CACNA1G: variants seen among roughly 807,000 people sequenced by gnomAD.
CACNA1G encodes the protein voltage-dependent T-type calcium channel subunit alpha-1G.
Under a neutral mutation model 219.4 loss-of-function variants are expected in CACNA1G, and 67 were observed. That is an observed-to-expected ratio of 0.31 (90% CI 0.25 to 0.37). The LOEUF is 0.37. Ranked by LOEUF, CACNA1G falls within the 10% of genes least tolerant of loss-of-function variation. The pLI is 1.00. For synonymous variants in CACNA1G, 1,296 were observed against 1,345.3 expected (o/e 0.96, Z 0.80); for missense variants, 2,380 against 3,231.4 (o/e 0.74, Z 6.39).
At position 50,616,901 on chromosome 17, in the gene CACNA1G, C is replaced by T. The variant is rs150195819; in HGVS notation, c.5021+517C>T. 1.0e-3 allele frequency among the ~76,000 whole-genome samples: 152 copies of T among 152,288 alleles called. 1 individual carries two copies. The East Asian group carries it at 0.013, about 13-fold the overall frequency. On this transcript the variant is annotated intron_variant, in intron 28 of 37. Coordinates refer to ENST00000359106, the MANE Select transcript of CACNA1G (RefSeq NM_018896.5). ...TGATGCCCAGGCTGGAGTGCAGCAG[C>T]TCAGTCATGGCTCACAGCAGCCTTG...
rs777536184 is a variant in CACNA1G at position 50,616,309 on chromosome 17, T to A, written c.4946T>A (p.Ile1649Asn). 6.2e-7 allele frequency: 1 copy of A among 1,613,730 alleles called. No homozygotes were observed. Among genetic ancestry groups the A allele is most frequent in the East Asian group, 2.2e-5 (1 of 44,884 alleles). Residue 1649 changes from isoleucine to asparagine, a missense_variant, in exon 28 of 38, where the codon ATC becomes AAC. Ile to Asn is a moderately radical substitution (Grantham distance 149). This residue lies in a region of CACNA1G where 123 missense variants were observed against 258.4 expected (regional missense o/e 0.48). Transcript: ENST00000359106. ...GAGGCTCTGAAGATCTGCAACTACA[T>A]CTTCACTGTCATCTTTGTCTTGGAG... ...LDEALKICNYIFTVIFVLESV... is the reference protein window; with the variant it reads ...LDEALKICNYNFTVIFVLESV...
intron 13 of CACNA1G, among the ~76,000 whole-genome samples, chr17:50,593,599 G>T (rs1393424956): frequency 6.6e-6 from 1 of 152,252 alleles, no homozygotes; most frequent in East Asian, 1.9e-4. Context: ...CCCTGGGGCG[G>T]CCTGGTCACT....
Position 50,618,448 on chromosome 17 carries a change from TC to T in CACNA1G, c.5427+106del. On this transcript the variant is annotated intron_variant, in intron 32 of 37. Coordinates refer to ENST00000359106, the MANE Select transcript of CACNA1G (RefSeq NM_018896.5). This position sits in a 1 kb window ranked among gnomAD's most constrained non-coding sequence, Gnocchi z 5.3. Reference sequence around the variant, plus strand: ...CCACAAATAAAAGCATGTGACCTTCTCTCCCCCGTGCTAGAACACTCTGGAA... The same window carrying T: ...CCACAAATAAAAGCATGTGACCTTCTTCCCCCGTGCTAGAACACTCTGGAA... 6.8e-7 allele frequency: 1 copy of T among 1,465,916 alleles called. No homozygotes were observed. The highest frequency in any genetic ancestry group is 9.4e-7 in the Non-Finnish European group (1 of 1,063,888). The allele number at this position is 1,465,916 out of a possible 1,614,324, so 90.8% of individuals were successfully genotyped here.
intron 24 of CACNA1G, 126 bp downstream of exon 24, chr17:50,607,115 G>A: frequency 1.3e-6 from 1 of 768,682 alleles, no homozygotes; most frequent in Non-Finnish European, 2.3e-6. Flanking sequence ...TTACAGCAGA[G>A]GCTGTTGCTG....
intron 10 of CACNA1G, 90 bp downstream of exon 10, chr17:50,590,712 G>T: frequency 7.6e-7 from 1 of 1,315,290 alleles, no homozygotes; most frequent in South Asian, 1.3e-5. Context: ...TTCCCCTGGG[G>T]TGGAGGGGTC....
In CACNA1G at chr17:50,618,659, C is replaced by T. The variant is rs1198878638; in HGVS notation, c.5432C>T (p.Thr1811Ile). Reference protein sequence around the residue: ...GDNWNGIMKDTLRDCDQESTC... With the variant: ...GDNWNGIMKDILRDCDQESTC... ...CCTCTATTCCACCCTCCCCAGGACA[C>T]CCTCCGGGACTGTGACCAGGAGTCC... Residue 1811 changes from threonine to isoleucine, a missense_variant, in exon 33 of 38, where the codon ACC becomes ATC. Around this residue, in one of 17 missense-constraint regions of CACNA1G, gnomAD observed 0 missense variants for 18.0 expected, o/e 0.00. Transcript: ENST00000359106. The surrounding 1 kb of genome is among the most constrained non-coding windows in gnomAD (Gnocchi z 5.3). 6.2e-7 allele frequency: 1 copy of T among 1,610,160 alleles called. No individual in the cohort carries two copies. Among genetic ancestry groups the T allele is most frequent in the African/African-American group, 1.3e-5 (1 of 74,808 alleles).
Position 50,627,359 on chromosome 17 carries a change from GAAA to G in CACNA1G, c.*611_*613del, listed in dbSNP as rs964907818. The G allele has an allele frequency of 2.5e-6, 1 of 392,584 alleles. No individual in the cohort carries two copies. Among genetic ancestry groups the G allele is most frequent in the Non-Finnish European group, 4.9e-6 (1 of 203,114 alleles). The allele number at this position is 392,584 out of a possible 1,614,324, so 24.3% of individuals were successfully genotyped here. ...TCATTTTCTGTAGGGAAAAAAAAAAGAAAAAGAAAAAATGAGATTTTACAAGTG... is the reference window on the plus strand; with the variant it reads ...TCATTTTCTGTAGGGAAAAAAAAAAGAAGAAAAAATGAGATTTTACAAGTG... On this transcript the variant is annotated 3_prime_UTR_variant, in exon 38 of 38. Transcript: ENST00000359106.
chr17:50,626,202 C>T lies in CACNA1G; in HGVS notation c.6585C>T (p.Ala2195=), dbSNP rs939487208. The T allele has an allele frequency of 1.5e-5, 25 of 1,613,796 alleles. No homozygotes were observed. Among genetic ancestry groups the T allele is most frequent in the Non-Finnish European group, 1.9e-5 (22 of 1,179,884 alleles). ...TCTCCAAGCACATGACCCCGCCAGC[C>T]CCTTGCCCAGGCCCAGAACCCAACT... The part of the protein sequence containing the change: ...SKISKHMTPP[A]PCPGPEPNWG... Residue 2195 remains alanine, a synonymous_variant, in exon 38 of 38, where the codon GCC becomes GCT. Transcript: ENST00000359106. The surrounding 1 kb of genome is among the most constrained non-coding windows in gnomAD (Gnocchi z 4.3).
At chr17:50,609,827 C>G in intron 25 of CACNA1G, 55 bp from the exon 26 acceptor site, 1 of 1,552,668 alleles carries the variant, frequency 6.4e-7, no homozygotes, top group South Asian at 1.1e-5. Flanking sequence ...CCTGAGGGGC[C>G]CTGCCCAGCG....
chr17:50,616,401 G>C lies in CACNA1G; in HGVS notation c.5021+17G>C. Reference sequence around the variant, plus strand: ...CCAGGACAGGTAACGGAGAAAAGGGGGGTCTTGGGGACTTGCGTAGAGATA... The same window carrying C: ...CCAGGACAGGTAACGGAGAAAAGGGCGGTCTTGGGGACTTGCGTAGAGATA... On this transcript the variant is annotated intron_variant, in intron 28 of 37. Transcript: ENST00000359106. The C allele has an allele frequency of 1.4e-6, 2 of 1,453,308 alleles. No individual in the cohort carries two copies. Among genetic ancestry groups the C allele is most frequent in the Non-Finnish European group, 1.9e-6 (2 of 1,034,652 alleles). 90.0% of individuals were successfully genotyped at this position (1,453,308 alleles called of 1,614,324 possible).
chr17:50,569,390 C>G, intron 3 of CACNA1G, 92 bp downstream of exon 3: 1 of 1,360,884 alleles, frequency 7.3e-7, no homozygotes, highest in Non-Finnish European at 1.0e-6. Flanking sequence ...TCAGCTCCAG[C>G]CCAGTTACAG....
rs1179970836 is a variant in CACNA1G, at chr17:50,591,995, C to A, written c.2813C>A (p.Ser938Tyr). ...VLYNGMASTS[S>Y]WAALYFIALM... ...TACAATGGTATGGCCTCCACGTCGT[C>A]CTGGGCGGCCCTTTATTTCATTGCC... The change falls in exon 13 of 38, where the codon TCC (serine) becomes TAC (tyrosine). Residue 938 changes from serine to tyrosine, a missense_variant. Ser to Tyr is a moderately radical substitution (Grantham distance 144, BLOSUM62 -2). This residue lies in a region of CACNA1G where 43 missense variants were observed against 139.4 expected (regional missense o/e 0.31). Transcript: ENST00000359106. 1 of 1,613,982 alleles carries A rather than the reference C, an allele frequency of 6.2e-7. No individual in the cohort carries two copies. The highest frequency in any genetic ancestry group is 1.7e-5 in the Admixed American group (1 of 60,030).
intron 26 of CACNA1G, among the ~76,000 whole-genome samples, chr17:50,610,426 A>G (rs1272052872): frequency 2.6e-5 from 4 of 152,230 alleles, no homozygotes; most frequent in Non-Finnish European, 5.9e-5. Context: ...CATCGCTACA[A>G]ACAGCAGGAA....
intron 26 of CACNA1G, among the ~76,000 whole-genome samples, chr17:50,613,721 T>C (rs764677299): frequency 6.6e-6 from 1 of 152,230 alleles, no homozygotes; most frequent in Non-Finnish European, 1.5e-5. Flanking sequence ...TCGGCATTTA[T>C]GGAGATTAAT....
rs542334409 is a variant in CACNA1G, at chr17:50,567,938, G to A, written c.243-932G>A. ...GGTCTGGGCTGGAAGCCACAAGCAG[G>A]TGTGATGGCGGCAATGGCCTCTTGG... On this transcript the variant is annotated intron_variant, in intron 1 of 37. Coordinates refer to ENST00000359106, the MANE Select transcript of CACNA1G (RefSeq NM_018896.5). 3.3e-5 allele frequency among the ~76,000 whole-genome samples: 5 copies of A among 152,278 alleles called. No homozygotes were observed. The East Asian group carries it at 5.8e-4, about 18-fold the overall frequency.
rs1266439220 is a variant in CACNA1G at position 50,617,294 on chromosome 17, A to C, written c.5022-144A>C. The C allele has an allele frequency of 1.2e-6, 1 of 867,978 alleles. No individual in the cohort carries two copies. The highest frequency in any genetic ancestry group is 1.7e-6 in the Non-Finnish European group (1 of 577,328). 53.8% of individuals were successfully genotyped at this position (867,978 alleles called of 1,614,324 possible). A position where few individuals can be genotyped will look rare whatever the true frequency, so the allele number is the denominator to read the frequency against. On this transcript the variant is annotated intron_variant, in intron 28 of 37. Transcript: ENST00000359106. This position sits in a 1 kb window ranked among gnomAD's most constrained non-coding sequence, Gnocchi z 5.8. ...CCAGTTGGCTGTGTGGCCTTAGATA[A>C]GCCACGCCTCTTCTCTGTGGGATGG...
intron 24 of CACNA1G, 83 bp downstream of exon 24, chr17:50,607,072 G>A: frequency 2.7e-6 from 3 of 1,123,474 alleles, no homozygotes; most frequent in Non-Finnish European, 4.1e-6. Context: ...AGCAAGGCAG[G>A]GTGGCAAAAT....
Position 50,617,907 on chromosome 17 carries a change from C to T in CACNA1G, c.5204C>T (p.Thr1735Met), listed in dbSNP as rs1451938756. The change falls in exon 30 of 38, where the codon ACG (threonine) becomes ATG (methionine). Residue 1735 changes from threonine (T) to methionine (M), a missense_variant. Transcript: ENST00000359106. This position sits in a 1 kb window ranked among gnomAD's most constrained non-coding sequence, Gnocchi z 5.8. ...GTGGGCATGCGGGCGCTGCTGGACA[C>T]GGTGATGCAGGCCCTGCCCCAGGTA... The part of the protein sequence containing the change: ...MAVGMRALLD[T>M]VMQALPQVGN... The T allele has an allele frequency of 2.5e-6, 4 of 1,613,660 alleles. No individual in the cohort carries two copies. The highest frequency in any genetic ancestry group is 3.4e-6 in the Non-Finnish European group (4 of 1,179,846).
At chr17:50,607,510 A>G (rs933786466) in intron 24 of CACNA1G, 19 of 350,434 alleles carry the variant, frequency 5.4e-5, no homozygotes, top group Admixed American at 4.9e-4. Context: ...AGAAAAAATA[A>G]TGGTGAGTTT....
Sources: gnomAD v4.1 joint callset for allele counts (sites outside exome capture counted in the v4.1 genomes callset) on GRCh38, gnomAD v4.1.1 for gene constraint, gnomAD v4.1.1 regional missense constraint, Gnocchi (gnomAD v3.1) non-coding constraint, MANE v1.5 for transcripts, NCBI Gene and HGNC (gene_info 2026-07-23, HGNC 2026-07-21) for gene names.